BASP1: variants seen among roughly 807,000 people sequenced by gnomAD.
BASP1 encodes brain abundant membrane attached signal protein 1.
BASP1 carries 1 observed loss-of-function variant against 2.2 expected under a neutral mutation model. The observed-to-expected ratio is 0.46, with a 90% CI of 0.16 to 2.17. The LOEUF is 2.17. Ranked by LOEUF, BASP1 falls within the 30% of genes most tolerant of loss-of-function variation. The pLI is 0.27. For missense variants in BASP1, 352 were observed against 327.2 expected (o/e 1.08, Z -0.58); for synonymous variants, 187 against 154.2 (o/e 1.21, Z -1.58).
chr5:17,274,931 A>G (rs1043339342), intron 1 of BASP1, among the ~76,000 whole-genome samples: 1 of 152,140 alleles, frequency 6.6e-6, no homozygotes, highest in East Asian at 1.9e-4. Context: ...TGGGAGGCTG[A>G]GGCGGGAGGA....
chr5:17,226,668 A>G (rs982627978), intron 1 of BASP1, among the ~76,000 whole-genome samples: 10 of 152,216 alleles, frequency 6.6e-5, no homozygotes, highest in African/African-American at 2.4e-4. Context: ...AACCCTTACT[A>G]ATGTTCTCAG....
intron 1 of BASP1, among the ~76,000 whole-genome samples, chr5:17,219,476 A>C (rs1739350892): frequency 6.6e-6 from 1 of 152,218 alleles, no homozygotes; most frequent in Non-Finnish European, 1.5e-5. Flanking sequence ...TTGTGGATTA[A>C]ATATTTTGTA....
intron 1 of BASP1, among the ~76,000 whole-genome samples, chr5:17,256,653 C>T (rs949655581): frequency 6.6e-6 from 1 of 152,062 alleles, no homozygotes; most frequent in Admixed American, 6.5e-5. Flanking sequence ...GTGGCTGTAA[C>T]GAGACTGAAT....
At chr5:17,256,104 C>T (rs918601922) in intron 1 of BASP1, among the ~76,000 whole-genome samples, 4 of 152,170 alleles carry the variant, frequency 2.6e-5, no homozygotes, top group Non-Finnish European at 5.9e-5. Flanking sequence ...TGCCTGCACC[C>T]CACTTTTTTG....
intron 1 of BASP1, among the ~76,000 whole-genome samples, chr5:17,232,372 T>C (rs1266434957): frequency 6.6e-6 from 1 of 152,218 alleles, no homozygotes; most frequent in Non-Finnish European, 1.5e-5. Context: ...GCTGCGAACA[T>C]CAGGTCCCTA....
chr5:17,259,455 A>G (rs1342149042), intron 1 of BASP1, among the ~76,000 whole-genome samples: 1 of 152,200 alleles, frequency 6.6e-6, no homozygotes, highest in Non-Finnish European at 1.5e-5. Flanking sequence ...GCAAACATTT[A>G]CCAAACCCCT....
intron 1 of BASP1, among the ~76,000 whole-genome samples, chr5:17,252,931 C>T (rs377588693): frequency 1.3e-5 from 2 of 152,184 alleles, no homozygotes; most frequent in African/African-American, 4.8e-5. Flanking sequence ...GTTTCTGTTG[C>T]AGCTCCTCAA....
intron 1 of BASP1, among the ~76,000 whole-genome samples, chr5:17,264,502 A>G (rs558302339): frequency 6.6e-6 from 1 of 152,354 alleles, no homozygotes; most frequent in South Asian, 2.1e-4. Flanking sequence ...AGTAGATGAT[A>G]GTTGCTTGTC....
chr5:17,259,187 G>T (rs1420789864), intron 1 of BASP1, among the ~76,000 whole-genome samples: 1 of 152,164 alleles, frequency 6.6e-6, no homozygotes, highest in Admixed American at 6.5e-5. Flanking sequence ...TTACATGGAT[G>T]GTGGCAGGCA....
Position 17,275,823 on chromosome 5 carries a change from G to A in BASP1, c.607G>A (p.Ala203Thr). Residue 203 changes from alanine (A) to threonine (T), a missense_variant, in exon 2 of 2, where the codon GCA (alanine) becomes ACA (threonine). Coordinates refer to ENST00000322611, the MANE Select transcript of BASP1 (RefSeq NM_006317.5). The surrounding 1 kb of genome is among the most constrained non-coding windows in gnomAD (Gnocchi z 5.3). The part of the protein sequence containing the change: ...PSSTPKAQGP[A>T]ASAEEPKPVE... The stretch of plus-strand genomic sequence containing the variant: ...TTCCACACCCAAGGCCCAGGGCCCC[G>A]CAGCCTCTGCAGAAGAGCCCAAGCC... The A allele has an allele frequency of 2.5e-6, 4 of 1,611,240 alleles. No individual in the cohort carries two copies. The highest frequency in any genetic ancestry group is 1.7e-4 in the Middle Eastern group (1 of 6,042).
chr5:17,265,540 A>G (rs2126517203), intron 1 of BASP1, among the ~76,000 whole-genome samples: 1 of 152,220 alleles, frequency 6.6e-6, no homozygotes, highest in East Asian at 1.9e-4. Flanking sequence ...GGCATCTTTT[A>G]GAAACCTGAT....
intron 1 of BASP1, among the ~76,000 whole-genome samples, chr5:17,250,488 T>C (rs1740080273): frequency 6.6e-6 from 1 of 152,242 alleles, no homozygotes; most frequent in Non-Finnish European, 1.5e-5. Context: ...CATTTTTAAG[T>C]GATTCTATAC....
intron 1 of BASP1, among the ~76,000 whole-genome samples, chr5:17,273,869 G>T (rs901760014): frequency 6.6e-6 from 1 of 152,016 alleles, no homozygotes; most frequent in Non-Finnish European, 1.5e-5. Context: ...AGTATAATGT[G>T]ATTTCTGCCA....
chr5:17,247,143 T>C lies in BASP1; in HGVS notation c.-9-28065T>C, dbSNP rs552160305. On this transcript the variant is annotated intron_variant, in intron 1 of 1. Coordinates refer to ENST00000322611, the MANE Select transcript of BASP1 (RefSeq NM_006317.5). The stretch of plus-strand genomic sequence containing the variant: ...GAGGCTGCAGTGAGCCGAGATTGCG[T>C]TGTTGCACTCCAGCCTGGGCGACAG... Among the ~76,000 whole-genome samples, 61 of 152,310 alleles carry C rather than the reference T, an allele frequency of 4.0e-4. 2 individuals carry two copies. In the South Asian group the frequency reaches 0.012, roughly 31 times the overall value.
chr5:17,257,745 A>G (rs1037695228), intron 1 of BASP1, among the ~76,000 whole-genome samples: 5 of 152,184 alleles, frequency 3.3e-5, no homozygotes, highest in African/African-American at 1.2e-4. Context: ...CGCTTGAACT[A>G]AAAGAGGAAA....
intron 1 of BASP1, among the ~76,000 whole-genome samples, chr5:17,221,603 A>G (rs1270680154): frequency 6.6e-6 from 1 of 152,104 alleles, no homozygotes; most frequent in Non-Finnish European, 1.5e-5. Flanking sequence ...AGATATATAG[A>G]CAACTTGAAT....
At chr5:17,243,820 C>T (rs1739920883) in intron 1 of BASP1, among the ~76,000 whole-genome samples, 1 of 152,176 alleles carries the variant, frequency 6.6e-6, no homozygotes. Flanking sequence ...TAACACCCTG[C>T]ACCTTGGTTC....
chr5:17,245,540 T>C (rs1182175023), intron 1 of BASP1, among the ~76,000 whole-genome samples: 2 of 152,316 alleles, frequency 1.3e-5, no homozygotes, highest in East Asian at 3.9e-4. Context: ...TGTGGTTAAT[T>C]TATTTTTAAA....
intron 1 of BASP1, among the ~76,000 whole-genome samples, chr5:17,271,918 T>G (rs977725520): frequency 3.3e-5 from 5 of 151,804 alleles, no homozygotes; most frequent in Non-Finnish European, 7.4e-5. Flanking sequence ...AATACTAAAA[T>G]TAGCTGGGCA....
Sources: gnomAD v4.1 joint callset for allele counts (sites outside exome capture counted in the v4.1 genomes callset) on GRCh38, gnomAD v4.1.1 for gene constraint, Gnocchi (gnomAD v3.1) non-coding constraint, MANE v1.5 for transcripts, NCBI Gene and HGNC (gene_info 2026-07-23, HGNC 2026-07-21) for gene names.